Variants in TSEN15 observed in about 807,000 individuals in gnomAD.
TSEN15 encodes the protein tRNA splicing endonuclease subunit 15.
In TSEN15, 10 loss-of-function variants were observed where a neutral mutation model predicts 20.5. The observed-to-expected ratio is 0.49, with a 90% CI of 0.30 to 0.83. The LOEUF is 0.83. Ranked by LOEUF, TSEN15 falls within the 40% of genes least tolerant of loss-of-function variation. TSEN15 has a pLI of 0.06. For missense variants in TSEN15, 180 were observed against 218.6 expected (o/e 0.82, Z 1.11); for synonymous variants, 72 against 80.1 (o/e 0.90, Z 0.54).
intron 3 of TSEN15, among the ~76,000 whole-genome samples, chr1:184,091,597 G>C (rs997433838): frequency 2.6e-5 from 4 of 152,088 alleles, no homozygotes; most frequent in African/African-American, 9.7e-5. Context: ...GGAGACAGTG[G>C]AATGTAAGAG....
intron 3 of TSEN15, among the ~76,000 whole-genome samples, chr1:184,089,370 G>T (rs1234264): frequency 0.022 from 3,420 of 152,148 alleles, 59 homozygotes; most frequent in Non-Finnish European, 0.033. Context: ...AAAATACAAT[G>T]GCTAAGGCCC....
chr1:184,072,210 C>G lies in TSEN15; in HGVS notation c.407C>G (p.Pro136Arg), dbSNP rs765202343. ...SRKLQGDPDL[P>R]MSFTLAIVES... is the part of the protein sequence containing the mutation. ...AAGTTGCAAGGTGATCCAGATTTGC[C>G]GATGTCTTTTACTTTGGCCATAGTG... is the stretch of plus-strand genomic sequence containing the variant. The change falls in exon 4 of 5, where the codon CCG becomes CGG. Residue 136 changes from proline (P) to arginine (R), a missense_variant. By Grantham distance (103) the Pro-to-Arg change is moderately radical (BLOSUM62 -2). Coordinates refer to ENST00000645668, the MANE Select transcript of TSEN15 (RefSeq NM_052965.4). 2 of 1,613,340 alleles carry G rather than the reference C, an allele frequency of 1.2e-6. No homozygotes were observed. The highest frequency in any genetic ancestry group is 1.3e-5 in the African/African-American group (1 of 74,924).
chr1:184,069,833 A>G (rs1327272305), intron 3 of TSEN15, among the ~76,000 whole-genome samples: 1 of 152,094 alleles, frequency 6.6e-6, no homozygotes. Flanking sequence ...CCTGAACAAG[A>G]AACTGTAAGA....
intron 3 of TSEN15, among the ~76,000 whole-genome samples, chr1:184,067,446 A>G (rs1010305099): frequency 6.6e-6 from 1 of 152,180 alleles, no homozygotes; most frequent in South Asian, 2.1e-4. Context: ...GTTTATTGGT[A>G]TATCCCTGGG....
At chr1:184,084,391 A>C (rs1326157591) in intron 3 of TSEN15, among the ~76,000 whole-genome samples, 1 of 151,446 alleles carries the variant, frequency 6.6e-6, no homozygotes, top group African/African-American at 2.4e-5. Flanking sequence ...TCTAACTATC[A>C]CACCCCATCC....
At chr1:184,072,322 CAAG>C (rs1557885823) in intron 4 of TSEN15, 24 bp downstream of exon 4, 1 of 1,570,992 alleles carries the variant, frequency 6.4e-7, no homozygotes, top group South Asian at 1.2e-5. Flanking sequence ...TAACTGACAG[CAAG>C]AAGTACAAAA....
chr1:184,090,413 A>T (rs961128722), intron 3 of TSEN15, among the ~76,000 whole-genome samples: 16 of 152,216 alleles, frequency 1.1e-4, no homozygotes, highest in African/African-American at 3.6e-4. Context: ...ATGTCTGGTT[A>T]TAGTTTTGAA....
intron 3 of TSEN15, among the ~76,000 whole-genome samples, chr1:184,058,898 C>A (rs1650343526): frequency 6.6e-6 from 1 of 151,896 alleles, no homozygotes; most frequent in Admixed American, 6.6e-5. Flanking sequence ...GCTTTTTGGT[C>A]TTAACAATTA....
intron 2 of TSEN15, 85 bp downstream of exon 2, chr1:184,054,520 A>G (rs1222581169): frequency 1.6e-6 from 2 of 1,220,364 alleles, no homozygotes; most frequent in Non-Finnish European, 2.4e-6. Flanking sequence ...TTCTTAACAT[A>G]ATAAGCAATC....
intron 3 of TSEN15, among the ~76,000 whole-genome samples, chr1:184,080,925 T>C (rs749091228): frequency 5.9e-5 from 9 of 152,152 alleles, no homozygotes; most frequent in Non-Finnish European, 1.2e-4. Flanking sequence ...GAATCAATAA[T>C]CCAATTTAAT....
chr1:184,068,714 G>T (rs571779652), intron 3 of TSEN15, among the ~76,000 whole-genome samples: 18 of 152,212 alleles, frequency 1.2e-4, no homozygotes, highest in African/African-American at 4.1e-4. Flanking sequence ...GATGAATAAG[G>T]CTTCTTTGGT....
chr1:184,054,749 A>G lies in TSEN15; in HGVS notation c.239A>G (p.Asn80Ser). ...TCAGGCAAAAGCTGGCATGAAGTAAACTGTGTAGGATTACCAGAACTCCAG... is the reference window on the plus strand; with the variant it reads ...TCAGGCAAAAGCTGGCATGAAGTAAGCTGTGTAGGATTACCAGAACTCCAG... ...LMESKSWHEV[N>S]CVGLPELQLI... The change falls in exon 3 of 5, where the codon AAC becomes AGC. Residue 80 changes from asparagine (N) to serine (S), a missense_variant. Physicochemically the swap from Asn to Ser is conservative, Grantham distance 46. Coordinates refer to ENST00000645668, the MANE Select transcript of TSEN15 (RefSeq NM_052965.4). 1 of 1,612,058 alleles carries G rather than the reference A, an allele frequency of 6.2e-7. No individual in the cohort carries two copies. Among genetic ancestry groups the G allele is most frequent in the Non-Finnish European group, 8.5e-7 (1 of 1,179,726 alleles).
At chr1:184,059,193 CAG>C (rs1006217943) in intron 3 of TSEN15, among the ~76,000 whole-genome samples, 7 of 152,020 alleles carry the variant, frequency 4.6e-5, no homozygotes, top group African/African-American at 1.7e-4. Flanking sequence ...AGTAGTTTAA[CAG>C]GGATATGTAC....
intron 3 of TSEN15, chr1:184,055,076 AAAAG>A (rs1345478690): frequency 8.1e-6 from 4 of 496,058 alleles, no homozygotes; most frequent in Admixed American, 7.1e-5. Context: ...TCTTAAAAAA[AAAAG>A]AAGAGGTTTA....
intron 3 of TSEN15, among the ~76,000 whole-genome samples, chr1:184,086,407 G>A (rs1045009118): frequency 1.3e-5 from 2 of 152,170 alleles, no homozygotes; most frequent in African/African-American, 4.8e-5. Context: ...TATAGGGTAT[G>A]GATGGTATAT....
intron 3 of TSEN15, among the ~76,000 whole-genome samples, chr1:184,064,045 G>C (rs1399035609): frequency 1.3e-5 from 2 of 152,016 alleles, no homozygotes; most frequent in East Asian, 3.9e-4. Context: ...TTATTTATTG[G>C]CTGCCTGGGC....
At position 184,072,268 on chromosome 1, in the gene TSEN15, T is replaced by G. The variant is rs1263172548; in HGVS notation, c.465T>G (p.Leu155=). ...ESDSTIVYYK[L]TDGFMLPDPQ... ...ATTCTACAATAGTCTATTATAAACT[T>G]ACTGATGGATTTATGCTGCCAGACC... The change falls in exon 4 of 5, where the codon CTT becomes CTG. Residue 155 remains leucine, a synonymous_variant. Coordinates refer to ENST00000645668, the MANE Select transcript of TSEN15 (RefSeq NM_052965.4). 5 of 1,612,404 alleles carry G rather than the reference T, an allele frequency of 3.1e-6. No homozygotes were observed. The East Asian group carries it at 8.9e-5, about 29-fold the overall frequency.
intron 3 of TSEN15, among the ~76,000 whole-genome samples, chr1:184,087,682 T>C (rs1651286891): frequency 6.6e-6 from 1 of 152,136 alleles, no homozygotes; most frequent in African/African-American, 2.4e-5. Flanking sequence ...GAGGAGCCGA[T>C]GTATGAAAGA....
intron 3 of TSEN15, among the ~76,000 whole-genome samples, chr1:184,084,519 G>A (rs1651226957): frequency 6.6e-6 from 1 of 151,288 alleles, no homozygotes; most frequent in Non-Finnish European, 1.5e-5. Context: ...AACCATCACA[G>A]GTGGGATGGG....
Sources: gnomAD v4.1 joint callset for allele counts (sites outside exome capture counted in the v4.1 genomes callset) on GRCh38, gnomAD v4.1.1 for gene constraint, MANE v1.5 for transcripts, NCBI Gene and HGNC (gene_info 2026-07-23, HGNC 2026-07-21) for gene names.